Variants in TBCD observed in about 807,000 individuals in gnomAD.
TBCD encodes tubulin folding cofactor D.
A neutral mutation model predicts 169.3 loss-of-function variants in TBCD; 105 were observed. The ratio of observed to expected loss-of-function variants is 0.62; its 90% CI spans 0.53 to 0.73. The LOEUF is 0.73. TBCD is among the 30% of genes least tolerant of loss of function. The pLI is 0.00. For synonymous variants in TBCD, 700 were observed against 643.9 expected, an observed-to-expected ratio of 1.09 and a Z score of -1.32; for missense variants, 1,444 against 1,600.1, an observed-to-expected ratio of 0.90 and a Z score of 1.66.
chr17:82,900,398 C>T (rs759590033), intron 17 of TBCD: 3 of 432,092 alleles, frequency 6.9e-6, no homozygotes, highest in Non-Finnish European at 8.3e-6. Flanking sequence ...TTGTTTTCCC[C>T]GTGGATGATG....
rs557235353 is a variant in TBCD, at chr17:82,929,452, C to T, written c.2943C>T (p.His981=). The T allele has an allele frequency of 5.8e-5, 93 of 1,611,476 alleles. No individual in the cohort carries two copies. The highest frequency in any genetic ancestry group is 1.1e-4 in the East Asian group (5 of 44,880). Residue 981 remains histidine (H), a synonymous_variant, in exon 32 of 39, where the codon CAC becomes CAT. Coordinates refer to ENST00000355528, the MANE Select transcript of TBCD (RefSeq NM_005993.5). ...QLLGLPTYRY[H]VLLGLVVSLG... is the part of the protein sequence containing the mutation. ...TTGGGCTGCCCACCTACCGCTACCA[C>T]GTCCTGCTGGGGCTAGTCGTGTCCC...
intron 12 of TBCD, among the ~76,000 whole-genome samples, chr17:82,814,194 T>C (rs2051677501): frequency 6.6e-6 from 1 of 152,266 alleles, no homozygotes; most frequent in Non-Finnish European, 1.5e-5. Flanking sequence ...TGAGTTTGAC[T>C]AAACAGTGGG....
chr17:82,800,960 G>T lies in TBCD; in HGVS notation c.914G>T (p.Gly305Val), dbSNP rs781170967. 3 of 1,611,980 alleles carry T rather than the reference G, an allele frequency of 1.9e-6. No individual in the cohort carries two copies. In the Admixed American group the frequency reaches 5.0e-5, roughly 27 times the overall value. Residue 305 changes from glycine (G) to valine (V), a missense_variant, in exon 9 of 39, where the codon GGG (glycine) becomes GTG (valine). Coordinates refer to ENST00000355528, the MANE Select transcript of TBCD (RefSeq NM_005993.5). Reference protein sequence around the residue: ...KLGVKLVQRLGLTFLKPKVAA... With the variant: ...KLGVKLVQRLVLTFLKPKVAA... ...GGGGTGAAGCTTGTGCAGCGACTGGGGCTGACATTCCTGAAGCCGAAGGTG... is the reference window on the plus strand; with the variant it reads ...GGGGTGAAGCTTGTGCAGCGACTGGTGCTGACATTCCTGAAGCCGAAGGTG...
intron 6 of TBCD, among the ~76,000 whole-genome samples, chr17:82,777,905 G>A (rs1285636165): frequency 6.6e-6 from 1 of 152,122 alleles, no homozygotes; most frequent in African/African-American, 2.4e-5. Flanking sequence ...TGACACTAAC[G>A]CTACCGCTAG....
chr17:82,900,614 T>TG (rs756309795), intron 17 of TBCD, 37 bp from the exon 18 acceptor site: 1 of 1,565,352 alleles, frequency 6.4e-7, no homozygotes, highest in Non-Finnish European at 8.8e-7. Context: ...TTCTCGTTCT[T>TG]CCGCGTCTCA....
Position 82,937,259 on chromosome 17 carries a change from T to G in TBCD, c.3192-12T>G, listed in dbSNP as rs146212790. ...TGAAAGCTCATCTCTAAAGTGTGTG[T>G]TGTTCTTCCAGCCACCCCTTTGCTG... On this transcript the variant is annotated splice_polypyrimidine_tract_variant and intron_variant, in intron 34 of 38. Transcript: ENST00000355528. 1.5e-4 allele frequency: 241 copies of G among 1,613,656 alleles called. 1 individual carries two copies. The African/African-American group carries it at 2.4e-3, about 16-fold the overall frequency.
chr17:82,845,655 C>T (rs992854076), intron 13 of TBCD, among the ~76,000 whole-genome samples: 6 of 151,582 alleles, frequency 4.0e-5, no homozygotes, highest in Admixed American at 2.6e-4. Context: ...CAGCCCACCC[C>T]GGTCCCTTCC....
intron 13 of TBCD, among the ~76,000 whole-genome samples, chr17:82,816,083 C>G (rs1361931990): frequency 6.6e-6 from 1 of 152,210 alleles, no homozygotes; most frequent in Non-Finnish European, 1.5e-5. Flanking sequence ...CACCCCCGCC[C>G]TGGCAGCCAT....
chr17:82,905,238 A>G (rs2060157572), intron 19 of TBCD, among the ~76,000 whole-genome samples: 2 of 152,020 alleles, frequency 1.3e-5, no homozygotes, highest in African/African-American at 4.8e-5. Context: ...AGGCCACCCT[A>G]CACCGACAGG....
chr17:82,846,323 CCG>C (rs2055100032), intron 13 of TBCD, among the ~76,000 whole-genome samples: 3 of 150,890 alleles, frequency 2.0e-5, no homozygotes, highest in African/African-American at 7.3e-5. Flanking sequence ...GTCCAGCGTG[CCG>C]TGTCCTCTCG....
chr17:82,859,663 T>C, intron 13 of TBCD: 1 of 985,404 alleles, frequency 1.0e-6, no homozygotes, highest in Non-Finnish European at 1.2e-6. Flanking sequence ...GTGGACAGGC[T>C]CCTGAGGACC....
Position 82,932,713 on chromosome 17 carries a change from G to A in TBCD, c.3169G>A (p.Asp1057Asn), listed in dbSNP as rs746252497. 5.6e-6 allele frequency: 9 copies of A among 1,613,806 alleles called. No homozygotes were observed. The highest frequency in any genetic ancestry group is 3.3e-5 in the Admixed American group (2 of 59,994). Reference sequence around the variant, plus strand: ...CCACGTGCTCACCCACGGCTGCTTCGACATCTTCACCACGGAGGAGGAGTG... The same window carrying A: ...CCACGTGCTCACCCACGGCTGCTTCAACATCTTCACCACGGAGGAGGAGTG... ...LDHVLTHGCF[D>N]IFTTEEDHPF... Residue 1057 changes from aspartate (D) to asparagine (N), a missense_variant, in exon 34 of 39, where the codon GAC (aspartate) becomes AAC (asparagine). Physicochemically the swap from Asp to Asn is conservative, Grantham distance 23 (BLOSUM62 1). Coordinates refer to ENST00000355528, the MANE Select transcript of TBCD (RefSeq NM_005993.5).
At chr17:82,802,358 C>T (rs111657711) in intron 9 of TBCD, among the ~76,000 whole-genome samples, 2 of 151,960 alleles carry the variant, frequency 1.3e-5, no homozygotes, top group African/African-American at 2.4e-5. Context: ...ATTCCAGAGA[C>T]GCGTGTTGTG....
chr17:82,776,331 C>T (rs2048596427), intron 6 of TBCD, among the ~76,000 whole-genome samples: 1 of 152,090 alleles, frequency 6.6e-6, no homozygotes, highest in Non-Finnish European at 1.5e-5. Context: ...ATTGCTTGAG[C>T]CCAGAAGGTT....
At chr17:82,781,323 G>C (rs1041720967) in intron 6 of TBCD, among the ~76,000 whole-genome samples, 1 of 147,250 alleles carries the variant, frequency 6.8e-6, no homozygotes, top group African/African-American at 2.5e-5. Context: ...CAGGCGGGGG[G>C]GGATGGGCAG....
chr17:82,809,750 T>C lies in TBCD; in HGVS notation c.1191T>C (p.Asp397=), dbSNP rs1568170296. The change falls in exon 12 of 39, where the codon GAT becomes GAC. Residue 397 remains aspartate (D), a synonymous_variant. Coordinates refer to ENST00000355528, the MANE Select transcript of TBCD (RefSeq NM_005993.5). ...GCAGGCTTCCCAGAGCCCTGGCGGA[T>C]GATGTGGTCGGGTCTGTGCTGGACT... The part of the protein sequence containing the change: ...MAGRLPRALA[D]DVVGSVLDCF... 8.7e-6 allele frequency: 14 copies of C among 1,613,640 alleles called. No homozygotes were observed. Among genetic ancestry groups the C allele is most frequent in the Middle Eastern group, 1.7e-4 (1 of 6,058 alleles).
At chr17:82,778,723 G>A (rs1478921364) in intron 6 of TBCD, among the ~76,000 whole-genome samples, 1 of 61,490 alleles carries the variant, frequency 1.6e-5, no homozygotes, top group South Asian at 7.2e-4. Flanking sequence ...GTGCAATGGC[G>A]TGATCTCAGC....
intron 32 of TBCD, chr17:82,929,781 A>G (rs1255656560): frequency 4.6e-5 from 26 of 564,228 alleles, no homozygotes; most frequent in South Asian, 1.2e-4. Context: ...TCGGGGTTCA[A>G]TCCTCCAGGA....
intron 14 of TBCD, among the ~76,000 whole-genome samples, 177 bp from the exon 15 acceptor site, chr17:82,883,967 TG>T (rs2058555035): frequency 6.6e-6 from 1 of 152,026 alleles, no homozygotes; most frequent in Non-Finnish European, 1.5e-5. Flanking sequence ...TCTGGTGTCT[TG>T]GGGGTCACAT....
Sources: gnomAD v4.1 joint callset for allele counts (sites outside exome capture counted in the v4.1 genomes callset) on GRCh38, gnomAD v4.1.1 for gene constraint, MANE v1.5 for transcripts, NCBI Gene and HGNC (gene_info 2026-07-23, HGNC 2026-07-21) for gene names.